Variants in MCCC2 observed in about 807,000 individuals in gnomAD.
MCCC2 encodes the protein methylcrotonoyl-CoA carboxylase beta chain, mitochondrial.
A neutral mutation model predicts 77.2 loss-of-function variants in MCCC2; 52 were observed. The ratio of observed to expected loss-of-function variants is 0.67; its 90% confidence interval spans 0.54 to 0.85. The LOEUF is 0.85. Ranked by LOEUF, MCCC2 falls within the 40% of genes least tolerant of loss-of-function variation. The pLI is 0.00. For missense variants in MCCC2, 682 were observed against 703.2 expected (o/e 0.97, Z 0.34); for synonymous variants, 253 against 248.4 (o/e 1.02, Z -0.18).
rs775012795 is a variant in MCCC2 at position 71,636,100 on chromosome 5, T to A, written c.999+854T>A. 7.2e-4 allele frequency: 301 copies of A among 418,376 alleles called. 4 individuals carry two copies. The highest frequency in any genetic ancestry group is 1.2e-3 in the Non-Finnish European group (252 of 208,756). 25.9% of individuals were successfully genotyped at this position (418,376 alleles called of 1,614,324 possible). The stretch of plus-strand genomic sequence containing the variant: ...AAATTATAAACATTTTCCCATGTCT[T>A]TAGAAATTCTTCATGAAATATTTTC... On this transcript the variant is annotated intron_variant, in intron 10 of 16. Coordinates refer to ENST00000340941, the MANE Select transcript of MCCC2 (RefSeq NM_022132.5).
intron 6 of MCCC2, among the ~76,000 whole-genome samples, chr5:71,623,673 G>T (rs1207320016): frequency 6.6e-6 from 1 of 152,150 alleles, no homozygotes; most frequent in Admixed American, 6.5e-5. Flanking sequence ...CAAGAGGAAG[G>T]AACTGCACAG....
intron 6 of MCCC2, among the ~76,000 whole-genome samples, chr5:71,618,141 GTTC>G (rs1746229381): frequency 1.3e-5 from 2 of 152,218 alleles, no homozygotes; most frequent in Admixed American, 1.3e-4. Context: ...TCTTTGCAAT[GTTC>G]TTCTTTTATT....
At chr5:71,596,194 A>G (rs967301270) in intron 2 of MCCC2, 86 bp from the exon 3 acceptor site, 57 of 1,154,706 alleles carry the variant, frequency 4.9e-5, no homozygotes, top group Middle Eastern at 1.9e-4. Flanking sequence ...AAAGTGCTAT[A>G]TTTTGGATTA....
intron 12 of MCCC2, among the ~76,000 whole-genome samples, 157 bp downstream of exon 12, chr5:71,644,052 TGTGTGTGTGTGTGTGTGTGCGC>T (rs1437478053): frequency 6.1e-5 from 9 of 147,294 alleles, no homozygotes; most frequent in Non-Finnish European, 4.4e-5. Context: ...TGTGTGTGTG[TGTGTGTGTGTGTGTGTGTGCGC>T]GCGTGTGTAT....
At chr5:71,655,887 C>A in intron 16 of MCCC2, among the ~76,000 whole-genome samples, 1 of 152,152 alleles carries the variant, frequency 6.6e-6, no homozygotes, top group East Asian at 1.9e-4. Context: ...AAAATAAAGA[C>A]CTACATTTGA....
At chr5:71,614,602 G>A (rs1698237701) in intron 6 of MCCC2, among the ~76,000 whole-genome samples, 1 of 151,564 alleles carries the variant, frequency 6.6e-6, no homozygotes, top group African/African-American at 2.4e-5. Flanking sequence ...TTCTGCCTCA[G>A]CCTCCCGAGT....
chr5:71,647,573 A>T (rs796169890), intron 13 of MCCC2, among the ~76,000 whole-genome samples: 1 of 152,136 alleles, frequency 6.6e-6, no homozygotes, highest in Non-Finnish European at 1.5e-5. Flanking sequence ...GGTTGAGTTT[A>T]GTTTTTCAGC....
At chr5:71,602,760 A>AG in intron 5 of MCCC2, 127 bp downstream of exon 5, 2 of 1,368,554 alleles carry the variant, frequency 1.5e-6, no homozygotes, top group Non-Finnish European at 2.0e-6. Context: ...GTAATTATAA[A>AG]GGAAACACAG....
Position 71,594,367 on chromosome 5 carries a change from A to G in MCCC2, c.196+1375A>G, listed in dbSNP as rs566745633. 2.6e-5 allele frequency among the ~76,000 whole-genome samples: 4 copies of G among 152,200 alleles called. No homozygotes were observed. The South Asian group carries it at 8.3e-4, about 32-fold the overall frequency. ...AACATGGTGAAACCCTGTCTCTACT[A>G]AAAATACAAAATTAGCTGGGTGTGG... On this transcript the variant is annotated intron_variant, in intron 2 of 16. Transcript: ENST00000340941.
At chr5:71,629,429 T>C (rs1338912398) in intron 7 of MCCC2, among the ~76,000 whole-genome samples, 1 of 152,186 alleles carries the variant, frequency 6.6e-6, no homozygotes, top group Non-Finnish European at 1.5e-5. Context: ...CTTTGTGCAC[T>C]TTGTGAATGT....
intron 6 of MCCC2, among the ~76,000 whole-genome samples, chr5:71,619,781 G>A (rs1746297704): frequency 1.3e-5 from 2 of 152,078 alleles, no homozygotes; most frequent in Non-Finnish European, 2.9e-5. Flanking sequence ...CACGAGGTCA[G>A]GAGATCGAGA....
chr5:71,604,341 AT>A lies in MCCC2; in HGVS notation c.512-12del. The A allele has an allele frequency of 6.2e-7, 1 of 1,607,468 alleles. No homozygotes were observed. Among genetic ancestry groups the A allele is most frequent in the Non-Finnish European group, 8.5e-7 (1 of 1,173,940 alleles). On this transcript the variant is annotated splice_polypyrimidine_tract_variant and intron_variant, in intron 5 of 16. Coordinates refer to ENST00000340941, the MANE Select transcript of MCCC2 (RefSeq NM_022132.5). The stretch of plus-strand genomic sequence containing the variant: ...GTTCATAGAGATGCTTATGTTTCTC[AT>A]TTCTTGTCTTCAGTTGATTCGGGAG...
At chr5:71,612,646 C>T (rs1040101497) in intron 6 of MCCC2, among the ~76,000 whole-genome samples, 1 of 152,248 alleles carries the variant, frequency 6.6e-6, no homozygotes, top group South Asian at 2.1e-4. Flanking sequence ...CCTGAGCCAA[C>T]ATGCTGGGCC....
intron 10 of MCCC2, among the ~76,000 whole-genome samples, chr5:71,638,641 C>T (rs569112917): frequency 2.6e-5 from 4 of 152,300 alleles, no homozygotes; most frequent in Non-Finnish European, 5.9e-5. Context: ...CTGCCTCAGC[C>T]TCCCAAGTAG....
chr5:71,643,721 G>T lies in MCCC2; in HGVS notation c.1073-98G>T, dbSNP rs186380187. Reference sequence around the variant, plus strand: ...AAAATCTCTTTGCATTTTAAACTTGGATCTGATATTAAAGAATGTGTAAAT... The same window carrying T: ...AAAATCTCTTTGCATTTTAAACTTGTATCTGATATTAAAGAATGTGTAAAT... On this transcript the variant is annotated intron_variant, in intron 11 of 16. Coordinates refer to ENST00000340941, the MANE Select transcript of MCCC2 (RefSeq NM_022132.5). 5 of 1,609,426 alleles carry T rather than the reference G, an allele frequency of 3.1e-6. No homozygotes were observed. In the Admixed American group the frequency reaches 5.0e-5, roughly 16 times the overall value.
At chr5:71,640,382 A>ATTTTTTTT (rs60843078) in intron 10 of MCCC2, among the ~76,000 whole-genome samples, 2 of 109,154 alleles carry the variant, frequency 1.8e-5, no homozygotes, top group Admixed American at 9.7e-5. Flanking sequence ...CACTTTTTAC[A>ATTTTTTTT]TTTTTTTTTT....
At chr5:71,589,533 T>A (rs973754465) in intron 1 of MCCC2, among the ~76,000 whole-genome samples, 1 of 152,248 alleles carries the variant, frequency 6.6e-6, no homozygotes, top group Admixed American at 6.5e-5. Context: ...AGCAAGAGGC[T>A]GAACACAAAT....
chr5:71,616,854 C>T (rs277952), intron 6 of MCCC2, among the ~76,000 whole-genome samples: 58,531 of 151,980 alleles, frequency 0.39, 11,709 homozygotes, highest in Admixed American at 0.54. Flanking sequence ...TGGTTTCACC[C>T]TTGGGCAGTT....
At chr5:71,613,482 T>C (rs752813485) in intron 6 of MCCC2, among the ~76,000 whole-genome samples, 12 of 152,236 alleles carry the variant, frequency 7.9e-5, no homozygotes, top group Non-Finnish European at 1.5e-4. Context: ...TTCCTTTTAC[T>C]TATTTTATTT....
Sources: gnomAD v4.1 joint callset for allele counts (sites outside exome capture counted in the v4.1 genomes callset) on GRCh38, gnomAD v4.1.1 for gene constraint, MANE v1.5 for transcripts, NCBI Gene and HGNC (gene_info 2026-07-23, HGNC 2026-07-21) for gene names.